Variants in CRHR2 observed in about 807,000 individuals in gnomAD.
CRHR2 encodes the protein corticotropin releasing hormone receptor 2.
CRHR2 carries 53 observed loss-of-function variants against 57.9 expected under a neutral mutation model. That is an observed-to-expected ratio of 0.92 (90% CI 0.73 to 1.15). The LOEUF (loss-of-function observed/expected upper bound fraction) is 1.15, where lower values mean the gene tolerates loss of function less well. Among genes scored for constraint, CRHR2 ranks in the 50% most tolerant of loss-of-function variants. The probability of loss-of-function intolerance (pLI) is 0.00; values close to 1 mark genes in which losing one functional copy is unlikely to be tolerated. For synonymous variants in CRHR2, 213 were observed against 220.9 expected (o/e 0.96, Z 0.32); for missense variants, 532 against 542.6 (o/e 0.98, Z 0.19).
exon 2 of CRHR2, chr7:30,689,219 G>A: frequency 4.5e-6 from 7 of 1,550,480 alleles, no homozygotes; most frequent in Non-Finnish European, 6.1e-6. Flanking sequence ...TCATGATGGT[G>A]TGGCAGTACT....
At position 30,682,121 on chromosome 7, in the gene CRHR2, A is replaced by T. The variant is rs1784734351; in HGVS notation, c.103+57T>A. On this transcript the variant is annotated intron_variant, in intron 1 of 11. Transcript: ENST00000471646. ...TCTCGGAGCGCGGGGTCAGGGGCGC[A>T]CCCAGCGCGCGAGAGAAGGAGCCCG... is the stretch of plus-strand genomic sequence containing the variant. 4 of 1,534,782 alleles carry T rather than the reference A, an allele frequency of 2.6e-6. No homozygotes were observed. The East Asian group carries it at 9.9e-5, about 38-fold the overall frequency.
chr7:30,671,802 GTGATGATGATGATGA>G (rs10577644), intron 2 of CRHR2, among the ~76,000 whole-genome samples: 63 of 143,954 alleles, frequency 4.4e-4, no homozygotes, highest in South Asian at 9.5e-4. Context: ...GTGAGACCCT[GTGATGATGATGATGA>G]TGATGATGAT....
At chr7:30,675,547 G>T (rs1477442831) in intron 2 of CRHR2, among the ~76,000 whole-genome samples, 1 of 152,162 alleles carries the variant, frequency 6.6e-6, no homozygotes, top group Non-Finnish European at 1.5e-5. Flanking sequence ...CCATGCCCTG[G>T]TCCAACATTT....
chr7:30,673,945 C>T (rs1017640804), intron 2 of CRHR2, among the ~76,000 whole-genome samples: 1 of 152,186 alleles, frequency 6.6e-6, no homozygotes, highest in Non-Finnish European at 1.5e-5. Flanking sequence ...GTGGGAAAGG[C>T]ATCCCCAGGG....
intron 6 of CRHR2, 121 bp downstream of exon 6, chr7:30,662,573 C>G: frequency 8.0e-7 from 1 of 1,244,230 alleles, no homozygotes; most frequent in South Asian, 1.5e-5. Context: ...GCTGCATCCA[C>G]CGGACTGCGC....
At chr7:30,686,515 A>T, upstream of CRHR2, 1 of 1,508,172 alleles carries the variant, frequency 6.6e-7, no homozygotes, top group South Asian at 1.2e-5. Context: ...CTTTGAATCC[A>T]TTCGGATTCT....
In CRHR2 at chr7:30,660,781, G is replaced by A. The variant is rs1783969306; in HGVS notation, c.759-136C>T. The A allele has an allele frequency of 6.1e-6, 5 of 824,124 alleles. No individual in the cohort carries two copies. The East Asian group carries it at 1.3e-4, about 22-fold the overall frequency. 51.1% of individuals were successfully genotyped at this position (824,124 alleles called of 1,614,324 possible). A position where few individuals can be genotyped will look rare whatever the true frequency, so the allele number is the denominator to read the frequency against. On this transcript the variant is annotated intron_variant, in intron 7 of 11. Transcript: ENST00000471646. ...GACTGCCCCTTCCCAGAAAGCCTTG[G>A]TGGAAATACCAGCTCCACTGACCAC...
chr7:30,680,259 T>A (rs1005473761), intron 2 of CRHR2, among the ~76,000 whole-genome samples: 16 of 152,202 alleles, frequency 1.1e-4, no homozygotes, highest in Non-Finnish European at 5.9e-5. Flanking sequence ...ACAGTGCCTG[T>A]GCAGTGGCTG....
At chr7:30,690,802 C>T (rs1338888938) in intron 1 of CRHR2, among the ~76,000 whole-genome samples, 1 of 152,158 alleles carries the variant, frequency 6.6e-6, no homozygotes, top group Non-Finnish European at 1.5e-5. Flanking sequence ...GCAGACACCA[C>T]TTGGAGGCAC....
intron 1 of CRHR2, among the ~76,000 whole-genome samples, chr7:30,695,338 T>A (rs1036546588): frequency 6.6e-6 from 1 of 152,146 alleles, no homozygotes; most frequent in Non-Finnish European, 1.5e-5. Context: ...TTCTTGTTCC[T>A]GAGTCTGTGC....
intron 1 of CRHR2, among the ~76,000 whole-genome samples, chr7:30,695,170 G>A (rs901239630): frequency 7.9e-5 from 12 of 151,376 alleles, no homozygotes; most frequent in Admixed American, 3.9e-4. Flanking sequence ...AGGGGCGGGC[G>A]AGGGGTGGGG....
Position 30,682,201 on chromosome 7 carries a change from C to A in CRHR2, c.80G>T (p.Trp27Leu). The A allele has an allele frequency of 6.3e-7, 1 of 1,587,462 alleles. No homozygotes were observed. The highest frequency in any genetic ancestry group is 2.3e-5 in the East Asian group (1 of 43,638). ...ACCCTCGGGGTCCAGGGGTGGCCCCCAGCCGTCCAAGAGCAGCTCTTCAGC... is the reference window on the plus strand; with the variant it reads ...ACCCTCGGGGTCCAGGGGTGGCCCCAAGCCGTCCAAGAGCAGCTCTTCAGC... Reference protein sequence around the residue: ...ALAEELLLDGWGPPLDPEGPY... With the variant: ...ALAEELLLDGLGPPLDPEGPY... Residue 27 changes from tryptophan to leucine, a missense_variant, in exon 1 of 12, where the codon TGG (tryptophan) becomes TTG (leucine). Physicochemically the swap from Trp to Leu is moderately conservative, Grantham distance 61. Transcript: ENST00000471646.
In CRHR2 at chr7:30,662,684, G is replaced by A. The variant is rs780085611; in HGVS notation, c.697+10C>T. On this transcript the variant is annotated intron_variant, in intron 6 of 11. Transcript: ENST00000471646. ...CCCCAACTAGGCCCTGCTGCCCCTGGGACCCTCACACCATCCGATGAAGAG... is the reference window on the plus strand; with the variant it reads ...CCCCAACTAGGCCCTGCTGCCCCTGAGACCCTCACACCATCCGATGAAGAG... The A allele has an allele frequency of 4.5e-5, 73 of 1,610,824 alleles. No homozygotes were observed. Among genetic ancestry groups the A allele is most frequent in the Admixed American group, 8.3e-5 (5 of 59,888 alleles).
intron 2 of CRHR2, among the ~76,000 whole-genome samples, chr7:30,673,534 G>T (rs144624052): frequency 6.6e-6 from 1 of 152,272 alleles, no homozygotes; most frequent in Non-Finnish European, 1.5e-5. Flanking sequence ...CTTGCTTTCT[G>T]TGGGAAAAAC....
intron 7 of CRHR2, among the ~76,000 whole-genome samples, chr7:30,661,602 C>T (rs1358387267): frequency 6.6e-6 from 1 of 152,222 alleles, no homozygotes; most frequent in East Asian, 1.9e-4. Context: ...CCGCTGCTCT[C>T]AGCTGGTGAC....
chr7:30,689,208 G>A, exon 2 of CRHR2: 1 of 1,550,444 alleles, frequency 6.4e-7, no homozygotes, highest in Non-Finnish European at 8.7e-7. Flanking sequence ...GTTGGTGAGG[G>A]TCATGATGGT....
At chr7:30,669,529 C>T (rs1385795339) in intron 2 of CRHR2, among the ~76,000 whole-genome samples, 1 of 152,178 alleles carries the variant, frequency 6.6e-6, no homozygotes, top group African/African-American at 2.4e-5. Flanking sequence ...CTCTCCCTCA[C>T]ACCAATGCCC....
chr7:30,671,105 T>A (rs955416911), intron 2 of CRHR2, among the ~76,000 whole-genome samples: 9 of 152,196 alleles, frequency 5.9e-5, no homozygotes, highest in Non-Finnish European at 1.0e-4. Flanking sequence ...TGTCTCTAGA[T>A]AGCTAGGTGA....
chr7:30,656,924 C>T lies in CRHR2; in HGVS notation c.832-912G>A, dbSNP rs1005746895. Among the ~76,000 whole-genome samples the T allele has an allele frequency of 6.6e-6, 1 of 152,170 alleles. No homozygotes were observed. The highest frequency in any genetic ancestry group is 1.9e-4 in the East Asian group (1 of 5,200). ...TGGATCTGGGGCCCGGGCACATCTG[C>T]GTTTCTCTTCACCTGCCTCCGAGCA... On this transcript the variant is annotated intron_variant, in intron 8 of 11. Coordinates refer to ENST00000471646, the MANE Select transcript of CRHR2 (RefSeq NM_001883.5). The surrounding 1 kb of genome is among the most constrained non-coding windows in gnomAD (Gnocchi z 4.4).
Sources: gnomAD v4.1 joint callset for allele counts (sites outside exome capture counted in the v4.1 genomes callset) on GRCh38, gnomAD v4.1.1 for gene constraint, Gnocchi (gnomAD v3.1) non-coding constraint, MANE v1.5 for transcripts, NCBI Gene and HGNC (gene_info 2026-07-23, HGNC 2026-07-21) for gene names.